Variants in SUPT3H observed in about 807,000 individuals in gnomAD.
The protein encoded by SUPT3H is transcription initiation protein SPT3 homolog.
SUPT3H carries 44 observed loss-of-function variants against 44.3 expected under a neutral mutation model. That is an observed-to-expected ratio of 0.99 (90% CI 0.78 to 1.28). The LOEUF is 1.28. SUPT3H is among the 50% of genes most tolerant of loss of function. SUPT3H has a pLI of 0.00. For synonymous variants in SUPT3H, 124 were observed against 125.6 expected (o/e 0.99, Z 0.09); for missense variants, 380 against 387.1 (o/e 0.98, Z 0.15).
intron 2 of SUPT3H, among the ~76,000 whole-genome samples, chr6:45,219,452 T>C (rs566885236): frequency 6.6e-6 from 1 of 151,586 alleles, no homozygotes; most frequent in African/African-American, 2.4e-5. Context: ...AAAACGACAT[T>C]ACCACAAATC....
intron 2 of SUPT3H, among the ~76,000 whole-genome samples, chr6:45,286,244 A>C (rs1193300633): frequency 3.3e-5 from 5 of 152,090 alleles, no homozygotes; most frequent in African/African-American, 1.2e-4. Flanking sequence ...AAATTGAGAA[A>C]TGGGATCTAA....
intron 2 of SUPT3H, among the ~76,000 whole-genome samples, chr6:45,256,864 CT>C (rs1392473134): frequency 6.6e-6 from 1 of 152,154 alleles, no homozygotes; most frequent in Non-Finnish European, 1.5e-5. Context: ...ATGTTTCAAC[CT>C]TTTGGCTATT....
At chr6:44,856,603 A>G (rs1773775491) in intron 10 of SUPT3H, among the ~76,000 whole-genome samples, 2 of 152,234 alleles carry the variant, frequency 1.3e-5, no homozygotes, top group South Asian at 4.1e-4. Flanking sequence ...CTCTTATCCT[A>G]TATCATTTCA....
At chr6:45,298,470 C>T (rs1454472022) in intron 2 of SUPT3H, among the ~76,000 whole-genome samples, 1 of 151,796 alleles carries the variant, frequency 6.6e-6, no homozygotes, top group African/African-American at 2.4e-5. Context: ...AGAAAAGAGC[C>T]TTCCAAGATG....
intron 10 of SUPT3H, among the ~76,000 whole-genome samples, chr6:44,912,189 A>G (rs1767154406): frequency 6.6e-6 from 1 of 152,162 alleles, no homozygotes; most frequent in Admixed American, 6.5e-5. Flanking sequence ...ATCATCATCT[A>G]CTTTTTCATC....
At chr6:44,956,039 G>A (rs1373758578) in intron 7 of SUPT3H, among the ~76,000 whole-genome samples, 12 of 149,460 alleles carry the variant, frequency 8.0e-5, no homozygotes, top group Admixed American at 6.0e-4. Context: ...GGAGAATGGT[G>A]TGAACCTGGG....
At chr6:44,887,917 TA>T (rs779115656) in intron 10 of SUPT3H, among the ~76,000 whole-genome samples, 4 of 151,692 alleles carry the variant, frequency 2.6e-5, no homozygotes, top group Non-Finnish European at 5.9e-5. Flanking sequence ...ATAGAGGCAA[TA>T]AAAAATGATA....
At chr6:45,130,698 A>T (rs1278064890) in intron 2 of SUPT3H, among the ~76,000 whole-genome samples, 4 of 116,556 alleles carry the variant, frequency 3.4e-5, no homozygotes, top group Non-Finnish European at 7.5e-5. Flanking sequence ...AAAAAAAAAC[A>T]AAAAAAAAAA....
At chr6:44,856,652 C>T (rs1477676876) in intron 10 of SUPT3H, among the ~76,000 whole-genome samples, 4 of 152,202 alleles carry the variant, frequency 2.6e-5, no homozygotes. Context: ...GCAATAGCCA[C>T]AGCTATTACC....
rs192973574 is a variant in SUPT3H, at chr6:45,267,461, A to C, written c.101+97740T>G. Among the ~76,000 whole-genome samples the C allele has an allele frequency of 2.0e-5, 3 of 152,364 alleles. No individual in the cohort carries two copies. In the East Asian group the frequency reaches 5.8e-4, roughly 29 times the overall value. ...TTATTGCAAGCCTTAAAATGATCCCAATGTTGTCTGCCAGGGCAGTAAACT... is the reference window on the plus strand; with the variant it reads ...TTATTGCAAGCCTTAAAATGATCCCCATGTTGTCTGCCAGGGCAGTAAACT... On this transcript the variant is annotated intron_variant, in intron 2 of 10. Coordinates refer to ENST00000371459, the MANE Select transcript of SUPT3H (RefSeq NM_003599.4).
intron 3 of SUPT3H, among the ~76,000 whole-genome samples, chr6:45,088,105 C>A (rs896589187): frequency 6.6e-6 from 1 of 151,996 alleles, no homozygotes; most frequent in African/African-American, 2.4e-5. Flanking sequence ...AAATTTAGAT[C>A]ATTCTGCGTC....
intron 9 of SUPT3H, among the ~76,000 whole-genome samples, chr6:44,935,822 G>T (rs1242669196): frequency 6.6e-6 from 1 of 152,184 alleles, no homozygotes; most frequent in Non-Finnish European, 1.5e-5. Context: ...CAACTGTGAT[G>T]CAGAAAGTTA....
chr6:45,254,274 C>G (rs1772955600), intron 2 of SUPT3H, among the ~76,000 whole-genome samples: 1 of 152,100 alleles, frequency 6.6e-6, no homozygotes. Flanking sequence ...AGGATAGAAA[C>G]AGCAGAAATT....
intron 9 of SUPT3H, among the ~76,000 whole-genome samples, chr6:44,939,395 G>A (rs967224484): frequency 1.3e-5 from 2 of 151,914 alleles, no homozygotes; most frequent in Admixed American, 6.6e-5. Context: ...TTGCATCCTT[G>A]TATCCCTGGT....
chr6:44,886,583 C>A (rs936512585), intron 10 of SUPT3H, among the ~76,000 whole-genome samples: 6 of 152,106 alleles, frequency 3.9e-5, no homozygotes, highest in African/African-American at 1.4e-4. Flanking sequence ...ATTTTGTCAC[C>A]ACCAGGCCTG....
intron 2 of SUPT3H, among the ~76,000 whole-genome samples, chr6:45,187,537 G>C (rs2153616613): frequency 6.6e-6 from 1 of 152,072 alleles, no homozygotes; most frequent in South Asian, 2.1e-4. Context: ...TTGTTAATCT[G>C]TCTTTTCTTA....
At chr6:45,304,445 C>T (rs1017463066) in intron 2 of SUPT3H, among the ~76,000 whole-genome samples, 4 of 152,090 alleles carry the variant, frequency 2.6e-5, no homozygotes, top group Admixed American at 2.6e-4. Context: ...ATAAATTTTT[C>T]CACTATTTTA....
intron 2 of SUPT3H, among the ~76,000 whole-genome samples, chr6:45,331,720 G>A (rs1300658134): frequency 6.6e-6 from 1 of 151,846 alleles, no homozygotes; most frequent in Non-Finnish European, 1.5e-5. Flanking sequence ...AGATCTGGCT[G>A]GTCTGTCTGA....
chr6:44,910,455 C>T (rs1439147608), intron 10 of SUPT3H, among the ~76,000 whole-genome samples: 1 of 152,134 alleles, frequency 6.6e-6, no homozygotes, highest in African/African-American at 2.4e-5. Context: ...AAACAATGCA[C>T]ATCCCCTTAC....
Sources: gnomAD v4.1 joint callset for allele counts (sites outside exome capture counted in the v4.1 genomes callset) on GRCh38, gnomAD v4.1.1 for gene constraint, MANE v1.5 for transcripts, NCBI Gene and HGNC (gene_info 2026-07-23, HGNC 2026-07-21) for gene names.